The following SLC39A11 variants were observed in gnomAD, a reference collection of about 807,000 sequenced individuals.
SLC39A11 encodes solute carrier family 39 member 11.
SLC39A11 carries 33 observed loss-of-function variants against 36.1 expected under a neutral mutation model. That is an observed-to-expected ratio of 0.91 (90% CI 0.69 to 1.22). The LOEUF is 1.22. SLC39A11 is among the 50% of genes most tolerant of loss of function. The pLI, the probability that SLC39A11 is intolerant of heterozygous loss-of-function variation, is 0.00. For missense variants in SLC39A11, 432 were observed against 430.3 expected (o/e 1.00, Z -0.03); for synonymous variants, 166 against 170.3 (o/e 0.97, Z 0.20).
intron 7 of SLC39A11, among the ~76,000 whole-genome samples, chr17:72,726,125 G>T (rs1187115884): frequency 6.6e-6 from 1 of 152,122 alleles, no homozygotes; most frequent in Non-Finnish European, 1.5e-5. Context: ...GGAAGTAAGG[G>T]TCTCCCTAGG....
In SLC39A11 at chr17:73,004,232, A is replaced by AAAAGAAAAGAAAAG. The variant is rs370681706; in HGVS notation, c.306+27323_306+27324insCTTTTCTTTTCTTT. 2.2e-3 allele frequency among the ~76,000 whole-genome samples: 197 copies of AAAAGAAAAGAAAAG among 88,722 alleles called. 14 individuals carry two copies. The highest frequency in any genetic ancestry group is 3.8e-3 in the Non-Finnish European group (154 of 40,988). The allele number at this position is 88,722 out of a possible 152,430, so 58.2% of individuals were successfully genotyped here. A position where few individuals can be genotyped will look rare whatever the true frequency, so the allele number is the denominator to read the frequency against. ...GAAAGAAAGAAAGAAAGAAAGAAAG[A>AAAAGAAAAGAAAAG]AAAGAAAGAAAGAGAAAAAGCAAGC... On this transcript the variant is annotated intron_variant, in intron 4 of 9. Transcript: ENST00000255559.
intron 6 of SLC39A11, among the ~76,000 whole-genome samples, chr17:72,766,976 G>A (rs1029544157): frequency 1.3e-5 from 2 of 151,602 alleles, no homozygotes; most frequent in African/African-American, 2.4e-5. Flanking sequence ...CCTCCCCTCC[G>A]ACCAGAGACA....
chr17:73,039,047 T>C (rs1273462348), intron 3 of SLC39A11, among the ~76,000 whole-genome samples: 1 of 152,172 alleles, frequency 6.6e-6, no homozygotes, highest in Non-Finnish European at 1.5e-5. Flanking sequence ...AGTCCGAGTT[T>C]GAATCTTGGC....
intron 3 of SLC39A11, among the ~76,000 whole-genome samples, chr17:73,075,252 T>G (rs975281505): frequency 6.6e-6 from 1 of 152,198 alleles, no homozygotes; most frequent in East Asian, 1.9e-4. Context: ...CCTTTAAACA[T>G]GCAGAAACAA....
chr17:72,869,163 G>GC (rs879738864), intron 5 of SLC39A11, among the ~76,000 whole-genome samples: 4 of 152,116 alleles, frequency 2.6e-5, no homozygotes, highest in Non-Finnish European at 5.9e-5. Context: ...AAATAAACGA[G>GC]CCCCCCATGT....
chr17:72,789,211 T>C (rs1568095552), intron 6 of SLC39A11, among the ~76,000 whole-genome samples: 1 of 152,148 alleles, frequency 6.6e-6, no homozygotes, highest in Non-Finnish European at 1.5e-5. Context: ...ATTTCTGTGT[T>C]TTTAGCAGAG....
chr17:72,777,869 A>ATATG (rs71154917), intron 6 of SLC39A11, among the ~76,000 whole-genome samples: 4,959 of 149,992 alleles, frequency 0.033, 129 homozygotes, highest in African/African-American at 0.057. Context: ...ATGTATGTAT[A>ATATG]TATGTATGTA....
rs547336139 is a variant in SLC39A11 at position 73,083,307 on chromosome 17, C to T, written c.147+1501G>A. ...GACCTAGAAACTAATTTTCTCAACA[C>T]TCTCTGTGCACCTGTGTATGGCTCA... On this transcript the variant is annotated intron_variant, in intron 3 of 9. Transcript: ENST00000255559. Among the ~76,000 whole-genome samples the T allele has an allele frequency of 3.9e-5, 6 of 152,298 alleles. No homozygotes were observed. The East Asian group carries it at 9.7e-4, about 25-fold the overall frequency.
chr17:72,858,010 T>C (rs946932324), intron 5 of SLC39A11, among the ~76,000 whole-genome samples: 1 of 152,236 alleles, frequency 6.6e-6, no homozygotes. Flanking sequence ...TTCACTTTTG[T>C]TGCAATTGCT....
intron 3 of SLC39A11, among the ~76,000 whole-genome samples, chr17:73,045,611 TG>T (rs1237237568): frequency 6.6e-6 from 1 of 152,178 alleles, no homozygotes; most frequent in Non-Finnish European, 1.5e-5. Flanking sequence ...TAGGCTTTTT[TG>T]TTTGAGTTCA....
Position 72,863,502 on chromosome 17 carries a change from G to A in SLC39A11, c.431-13698C>T, listed in dbSNP as rs73998440. 4.3e-3 allele frequency among the ~76,000 whole-genome samples: 649 copies of A among 152,256 alleles called. 3 individuals carry two copies. Among genetic ancestry groups the A allele is most frequent in the African/African-American group, 0.015 (626 of 41,560 alleles). ...ATAAGGCTCCCAAATCCAGTCCAAAGTATGTGAGCAGGAACCCAATATCCC... is the reference window on the plus strand; with the variant it reads ...ATAAGGCTCCCAAATCCAGTCCAAAATATGTGAGCAGGAACCCAATATCCC... On this transcript the variant is annotated intron_variant, in intron 5 of 9. Coordinates refer to ENST00000255559, the MANE Select transcript of SLC39A11 (RefSeq NM_139177.4).
chr17:72,980,530 T>G (rs185432571), intron 4 of SLC39A11, among the ~76,000 whole-genome samples: 5 of 152,208 alleles, frequency 3.3e-5, no homozygotes, highest in African/African-American at 1.2e-4. Flanking sequence ...ACCTAGACGA[T>G]GTTCTTGAAA....
intron 7 of SLC39A11, among the ~76,000 whole-genome samples, chr17:72,720,473 T>C (rs2073615348): frequency 7.7e-6 from 1 of 129,696 alleles, no homozygotes; most frequent in East Asian, 2.3e-4. Flanking sequence ...GTCAATTCCC[T>C]GCAGACAGTG....
intron 5 of SLC39A11, among the ~76,000 whole-genome samples, chr17:72,856,842 G>A (rs1460306705): frequency 2.6e-5 from 4 of 151,926 alleles, no homozygotes; most frequent in East Asian, 1.9e-4. Context: ...CACCCCACCC[G>A]GCTAATTTTT....
intron 6 of SLC39A11, among the ~76,000 whole-genome samples, chr17:72,780,663 G>C: frequency 6.6e-6 from 1 of 152,098 alleles, no homozygotes; most frequent in East Asian, 1.9e-4. Context: ...TCTCTATTAG[G>C]TCAGCATTCA....
At chr17:72,871,077 T>G (rs2080596948) in intron 5 of SLC39A11, among the ~76,000 whole-genome samples, 1 of 151,354 alleles carries the variant, frequency 6.6e-6, no homozygotes, top group Admixed American at 6.6e-5. Flanking sequence ...TTTTTTGGTT[T>G]TTCTGAGACA....
In SLC39A11 at chr17:73,023,297, C is replaced by T. The variant is rs754306068; in HGVS notation, c.306+8259G>A. 2.0e-5 allele frequency among the ~76,000 whole-genome samples: 3 copies of T among 152,074 alleles called. No individual in the cohort carries two copies. In the South Asian group the frequency reaches 6.2e-4, roughly 31 times the overall value. ...AATCCATGTATCAAAGCTCTAACCC[C>T]CTATACTTTATAATGTGACTGTATT... On this transcript the variant is annotated intron_variant, in intron 4 of 9. Coordinates refer to ENST00000255559, the MANE Select transcript of SLC39A11 (RefSeq NM_139177.4).
intron 4 of SLC39A11, among the ~76,000 whole-genome samples, chr17:72,998,231 C>T (rs560458600): frequency 5.3e-4 from 80 of 152,104 alleles, no homozygotes; most frequent in Non-Finnish European, 8.1e-4. Flanking sequence ...GGACCACCAT[C>T]CTCCTTTTAA....
chr17:72,690,623 C>T (rs2071984561), intron 7 of SLC39A11, among the ~76,000 whole-genome samples: 2 of 152,196 alleles, frequency 1.3e-5, no homozygotes, highest in African/African-American at 4.8e-5. Flanking sequence ...ATTTTGTGAA[C>T]AGTTCTATAA....
Sources: allele counts gnomAD v4.1 joint callset (sites outside exome capture counted in the v4.1 genomes callset), GRCh38; gene constraint gnomAD v4.1.1; transcripts MANE v1.5; gene names NCBI Gene and HGNC (gene_info 2026-07-23, HGNC 2026-07-21).